The following SEPTIN7 variants were observed in gnomAD, a reference collection of about 807,000 sequenced individuals.
SEPTIN7 encodes the protein septin 7.
Under a neutral mutation model 63.3 loss-of-function variants are expected in SEPTIN7, and 10 were observed. The ratio of observed to expected loss-of-function variants is 0.16; its 90% confidence interval spans 0.10 to 0.27. The LOEUF (loss-of-function observed/expected upper bound fraction) is 0.27, where lower values mean the gene tolerates loss of function less well. Ranked by LOEUF, SEPTIN7 falls within the 10% of genes least tolerant of loss-of-function variation. The pLI, the probability that SEPTIN7 is intolerant of heterozygous loss-of-function variation, is 1.00. For synonymous variants in SEPTIN7, 131 were observed against 165.3 expected (o/e 0.79, Z 1.59); for missense variants, 310 against 521.0 (o/e 0.59, Z 3.94).
chr7:35,828,457 C>G (rs1018147835), intron 1 of SEPTIN7, among the ~76,000 whole-genome samples: 1 of 152,072 alleles, frequency 6.6e-6, no homozygotes, highest in African/African-American at 2.4e-5. Context: ...CTCACTGCAA[C>G]CTCTGCCTCC....
chr7:35,808,012 G>A (rs765606955), intron 1 of SEPTIN7, among the ~76,000 whole-genome samples: 22 of 150,454 alleles, frequency 1.5e-4, no homozygotes, highest in African/African-American at 2.0e-4. Context: ...TAGTAGAGAC[G>A]GGGTTTCACC....
At chr7:35,821,550 C>G (rs766596877) in intron 1 of SEPTIN7, among the ~76,000 whole-genome samples, 2 of 152,102 alleles carry the variant, frequency 1.3e-5, no homozygotes, top group Non-Finnish European at 2.9e-5. Flanking sequence ...CTATTATGAG[C>G]AGTGCTTTGT....
rs1207917612 is a variant in SEPTIN7 at position 35,886,817 on chromosome 7, C to G, written c.872+938C>G. Reference sequence around the variant, plus strand: ...AATCATGGAATAACAAGAGGTCATTCTCAAGGTGAGAAGTGAGGGGGAAAA... The same window carrying G: ...AATCATGGAATAACAAGAGGTCATTGTCAAGGTGAGAAGTGAGGGGGAAAA... On this transcript the variant is annotated intron_variant, in intron 10 of 13. Transcript: ENST00000350320. Among the ~76,000 whole-genome samples the G allele has an allele frequency of 3.3e-5, 5 of 152,180 alleles. No homozygotes were observed. In the East Asian group the frequency reaches 7.7e-4, roughly 23 times the overall value.
rs188192331 is a variant in SEPTIN7 at position 35,885,807 on chromosome 7, C to T, written c.821-21C>T. 1.7e-4 allele frequency: 263 copies of T among 1,578,134 alleles called. No homozygotes were observed. The African/African-American group carries it at 2.7e-3, about 16-fold the overall frequency. Reference sequence around the variant, plus strand: ...AGGTTTAGTGGAAATATAACATATGCGGTCTGCTTTTTTCTTACAGTTGAA... The same window carrying T: ...AGGTTTAGTGGAAATATAACATATGTGGTCTGCTTTTTTCTTACAGTTGAA... On this transcript the variant is annotated intron_variant, in intron 9 of 13. Transcript: ENST00000350320.
At chr7:35,907,505 A>G (rs1231501592), downstream of SEPTIN7, among the ~76,000 whole-genome samples, 2 of 152,090 alleles carry the variant, frequency 1.3e-5, no homozygotes, top group Non-Finnish European at 2.9e-5. Context: ...CTGTTTCCTC[A>G]TCTGCAAAAG....
At chr7:35,818,798 A>G (rs73096594) in intron 1 of SEPTIN7, among the ~76,000 whole-genome samples, 3,091 of 151,484 alleles carry the variant, frequency 0.02, 43 homozygotes, top group Non-Finnish European at 0.029. Flanking sequence ...TATTTCTGAA[A>G]GGTTGGTAGT....
At chr7:35,847,734 T>C (rs1013427538) in intron 3 of SEPTIN7, among the ~76,000 whole-genome samples, 20 of 152,226 alleles carry the variant, frequency 1.3e-4, no homozygotes, top group African/African-American at 4.3e-4. Context: ...CAGTACTCTT[T>C]TATTTTTAAA....
chr7:35,834,679 A>G (rs986395677), intron 3 of SEPTIN7, among the ~76,000 whole-genome samples: 44 of 152,146 alleles, frequency 2.9e-4, no homozygotes, highest in Admixed American at 1.9e-3. Context: ...ATTTTCATCT[A>G]TATAGGTGTA....
intron 11 of SEPTIN7, 96 bp from the exon 12 acceptor site, chr7:35,898,151 AT>A (rs1325902468): frequency 7.4e-6 from 6 of 811,512 alleles, no homozygotes; most frequent in Non-Finnish European, 1.1e-5. Context: ...TAATAGTGAC[AT>A]ATAGCATCTG....
intron 7 of SEPTIN7, among the ~76,000 whole-genome samples, chr7:35,880,384 T>G (rs1389788114): frequency 1.3e-5 from 2 of 151,970 alleles, no homozygotes; most frequent in East Asian, 3.9e-4. Flanking sequence ...TCTGTTTCAC[T>G]GTGACTTTGC....
At chr7:35,834,320 A>G (rs556564646) in intron 3 of SEPTIN7, among the ~76,000 whole-genome samples, 4 of 152,174 alleles carry the variant, frequency 2.6e-5, no homozygotes, top group East Asian at 1.9e-4. Context: ...TTTTTAAACT[A>G]TACTTAGTAG....
intron 9 of SEPTIN7, 49 bp from the exon 10 acceptor site, chr7:35,885,779 A>G (rs1366387167): frequency 1.4e-6 from 2 of 1,401,208 alleles, no homozygotes; most frequent in Middle Eastern, 1.8e-4. Context: ...TTTTGAAAAG[A>G]CTAGGTTTAG....
intron 9 of SEPTIN7, among the ~76,000 whole-genome samples, chr7:35,884,362 TA>T (rs1357206783): frequency 1.3e-5 from 2 of 152,178 alleles, no homozygotes; most frequent in African/African-American, 2.4e-5. Flanking sequence ...GCTCGACCAG[TA>T]AGTATAGCAC....
chr7:35,876,832 G>T (rs1786502218), intron 6 of SEPTIN7, among the ~76,000 whole-genome samples: 1 of 152,122 alleles, frequency 6.6e-6, no homozygotes, highest in African/African-American at 2.4e-5. Flanking sequence ...AGCCAGGCTT[G>T]GTGGTGGATG....
chr7:35,877,276 GA>G (rs1472628293), intron 6 of SEPTIN7, among the ~76,000 whole-genome samples: 1 of 152,056 alleles, frequency 6.6e-6, no homozygotes, highest in East Asian at 1.9e-4. Context: ...TTAAGACAAG[GA>G]GAATTAGAAT....
chr7:35,910,070 A>G (rs1788713420), downstream of SEPTIN7, among the ~76,000 whole-genome samples: 1 of 152,198 alleles, frequency 6.6e-6, no homozygotes. Context: ...GGACCTCTCC[A>G]CAGGGCTGCT....
chr7:35,840,707 A>G (rs1336119428), intron 3 of SEPTIN7, among the ~76,000 whole-genome samples: 5 of 152,120 alleles, frequency 3.3e-5, no homozygotes, highest in Non-Finnish European at 5.9e-5. Context: ...CATGGATGTT[A>G]TGACTGTTTT....
intron 3 of SEPTIN7, among the ~76,000 whole-genome samples, chr7:35,849,095 G>C (rs1784829863): frequency 6.6e-6 from 1 of 152,154 alleles, no homozygotes; most frequent in Non-Finnish European, 1.5e-5. Context: ...GTTATATAGA[G>C]CTTGTTTAGC....
chr7:35,885,480 C>A (rs1429589051), intron 9 of SEPTIN7, among the ~76,000 whole-genome samples: 1 of 152,072 alleles, frequency 6.6e-6, no homozygotes, highest in African/African-American at 2.4e-5. Flanking sequence ...TAAAGTGATT[C>A]TCCCTTCACT....
Sources: gnomAD v4.1 joint callset for allele counts (sites outside exome capture counted in the v4.1 genomes callset) on GRCh38, gnomAD v4.1.1 for gene constraint, MANE v1.5 for transcripts, NCBI Gene and HGNC (gene_info 2026-07-23, HGNC 2026-07-21) for gene names.